Variants in DLG2 observed in about 807,000 individuals in gnomAD.
The protein encoded by DLG2 is disks large homolog 2.
A neutral mutation model predicts 132.5 loss-of-function variants in DLG2; 45 were observed. The observed-to-expected ratio is 0.34, with a 90% CI of 0.27 to 0.44. The LOEUF is 0.44. DLG2 is among the 20% of genes least tolerant of loss of function. The pLI is 1.00. For missense variants in DLG2, 1,045 were observed against 1,196.9 expected (o/e 0.87, Z 1.87); for synonymous variants, 424 against 419.6 (o/e 1.01, Z -0.13).
chr11:83,894,923 T>G (rs2071123134), intron 15 of DLG2, among the ~76,000 whole-genome samples: 1 of 152,140 alleles, frequency 6.6e-6, no homozygotes, highest in Non-Finnish European at 1.5e-5. Context: ...CTTATTTTAT[T>G]TAAATAATTA....
intron 7 of DLG2, among the ~76,000 whole-genome samples, chr11:84,416,623 G>C (rs1264801523): frequency 6.6e-6 from 1 of 152,158 alleles, no homozygotes; most frequent in Admixed American, 6.5e-5. Context: ...TAAGATCCTG[G>C]TCTATCACTT....
chr11:84,227,161 G>A (rs914053932), intron 8 of DLG2, among the ~76,000 whole-genome samples: 1 of 152,008 alleles, frequency 6.6e-6, no homozygotes, highest in Non-Finnish European at 1.5e-5. Context: ...TACATGGTAG[G>A]AGGAGGGGTG....
intron 6 of DLG2, among the ~76,000 whole-genome samples, chr11:84,699,855 G>T (rs1011861337): frequency 3.3e-5 from 5 of 151,578 alleles, no homozygotes; most frequent in Non-Finnish European, 5.9e-5. Flanking sequence ...ACTCATGAAA[G>T]CAGTAAACAG....
At chr11:84,993,326 C>T (rs1187532863) in intron 6 of DLG2, among the ~76,000 whole-genome samples, 1 of 152,010 alleles carries the variant, frequency 6.6e-6, no homozygotes, top group Non-Finnish European at 1.5e-5. Context: ...GCCTTAAAAC[C>T]GAGATGACAG....
intron 6 of DLG2, among the ~76,000 whole-genome samples, chr11:85,082,687 G>A: frequency 6.8e-6 from 1 of 148,064 alleles, no homozygotes; most frequent in Non-Finnish European, 1.5e-5. Flanking sequence ...ATTTTTTTGA[G>A]AAAGGAACCA....
intron 7 of DLG2, among the ~76,000 whole-genome samples, chr11:84,515,371 T>A (rs978410668): frequency 1.3e-5 from 2 of 150,538 alleles, no homozygotes; most frequent in African/African-American, 4.9e-5. Context: ...AGAACACACA[T>A]AGACTAAAAG....
At chr11:85,040,898 G>A (rs2061804689) in intron 6 of DLG2, among the ~76,000 whole-genome samples, 1 of 151,848 alleles carries the variant, frequency 6.6e-6, no homozygotes, top group Non-Finnish European at 1.5e-5. Flanking sequence ...CTATTTTATA[G>A]ATGAGGAAAC....
At chr11:84,801,787 T>A (rs1033609444) in intron 6 of DLG2, among the ~76,000 whole-genome samples, 1 of 152,190 alleles carries the variant, frequency 6.6e-6, no homozygotes, top group African/African-American at 2.4e-5. Context: ...TTATAATGAT[T>A]ACAGATCCAA....
At chr11:84,048,295 C>T (rs2096280517) in intron 11 of DLG2, among the ~76,000 whole-genome samples, 1 of 151,360 alleles carries the variant, frequency 6.6e-6, no homozygotes, top group African/African-American at 2.4e-5. Context: ...TATTTTATTC[C>T]AATAGAAGGT....
chr11:84,150,168 G>C (rs1273925401), intron 9 of DLG2, among the ~76,000 whole-genome samples: 4 of 152,122 alleles, frequency 2.6e-5, no homozygotes, highest in Non-Finnish European at 5.9e-5. Context: ...CATTTCAACG[G>C]TATTGATTCT....
At chr11:84,282,913 G>A (rs2054024) in intron 7 of DLG2, among the ~76,000 whole-genome samples, 99,149 of 151,962 alleles carry the variant, frequency 0.65, 32,587 homozygotes, top group Middle Eastern at 0.71. Flanking sequence ...TGATCTATAG[G>A]TATATTTTAA....
chr11:83,669,306 A>G (rs767961832), intron 18 of DLG2, among the ~76,000 whole-genome samples: 5 of 152,182 alleles, frequency 3.3e-5, no homozygotes, highest in Non-Finnish European at 7.4e-5. Flanking sequence ...AAGGCCACAT[A>G]TAAAAGCAAA....
intron 3 of DLG2, among the ~76,000 whole-genome samples, chr11:85,470,831 G>C (rs188622145): frequency 2.2e-3 from 340 of 152,338 alleles, no homozygotes; most frequent in Non-Finnish European, 3.7e-3. Context: ...GAAGTTAAAT[G>C]ATGACAGAAT....
At chr11:83,616,489 T>TA (rs80045536) in intron 19 of DLG2, among the ~76,000 whole-genome samples, 38 of 144,852 alleles carry the variant, frequency 2.6e-4, no homozygotes, top group Admixed American at 2.1e-3. Flanking sequence ...TTTTGTCCAT[T>TA]AAAAAAAAAT....
intron 6 of DLG2, among the ~76,000 whole-genome samples, chr11:84,931,457 G>A (rs1003728727): frequency 6.6e-6 from 1 of 152,112 alleles, no homozygotes; most frequent in African/African-American, 2.4e-5. Flanking sequence ...TAAGGATAAT[G>A]GCCTCCAGCT....
At chr11:84,201,870 G>A (rs1159890814) in intron 8 of DLG2, among the ~76,000 whole-genome samples, 2 of 109,616 alleles carry the variant, frequency 1.8e-5, no homozygotes, top group Admixed American at 2.9e-4. Flanking sequence ...TCCAGGCATA[G>A]TGTTATGGTG....
intron 14 of DLG2, among the ~76,000 whole-genome samples, chr11:83,933,295 G>C (rs2080760140): frequency 6.6e-6 from 1 of 152,202 alleles, no homozygotes. Context: ...TAGGTCAGAA[G>C]GTAGTGAATA....
chr11:84,715,713 A>G (rs1461651359), intron 6 of DLG2, among the ~76,000 whole-genome samples: 1 of 152,120 alleles, frequency 6.6e-6, no homozygotes, highest in Non-Finnish European at 1.5e-5. Context: ...TTCTTTTCAA[A>G]GGTTGGATAA....
intron 4 of DLG2, among the ~76,000 whole-genome samples, chr11:85,177,256 T>C (rs1179186637): frequency 7.2e-6 from 1 of 138,966 alleles, no homozygotes; most frequent in Non-Finnish European, 1.5e-5. Context: ...TGTGTATGTA[T>C]ATGTATTTAT....
Sources: gnomAD v4.1 joint callset for allele counts (sites outside exome capture counted in the v4.1 genomes callset) on GRCh38, gnomAD v4.1.1 for gene constraint, MANE v1.5 for transcripts, NCBI Gene and HGNC (gene_info 2026-07-23, HGNC 2026-07-21) for gene names.